The following PEAK3 variants were observed in gnomAD, a reference collection of about 807,000 sequenced individuals.
PEAK3 encodes PEAK family member 3.
Under a neutral mutation model 13.3 loss-of-function variants are expected in PEAK3, and 15 were observed. The ratio of observed to expected loss-of-function variants is 1.13; its 90% confidence interval spans 0.75 to 1.73. The LOEUF is 1.73. Among genes scored for constraint, PEAK3 ranks in the 40% most tolerant of loss-of-function variants. PEAK3 has a pLI of 0.00. For missense variants in PEAK3, 739 were observed against 690.2 expected, an observed-to-expected ratio of 1.07 and a Z score of -0.79; for synonymous variants, 347 against 341.9, an observed-to-expected ratio of 1.01 and a Z score of -0.17.
Position 2,275,372 on chromosome 19 carries a change from G to C in PEAK3, c.*308C>G. Reference sequence around the variant, plus strand: ...GCTGCTGGGGAAGGCAGAACACAGAGAGACATTGATCAGCGGGGTTGTCCA... The same window carrying C: ...GCTGCTGGGGAAGGCAGAACACAGACAGACATTGATCAGCGGGGTTGTCCA... On this transcript the variant is annotated 3_prime_UTR_variant, in exon 4 of 4. Coordinates refer to ENST00000342063, the MANE Select transcript of PEAK3 (RefSeq NM_198532.3). 3.7e-6 allele frequency: 1 copy of C among 271,484 alleles called. No individual in the cohort carries two copies. The highest frequency in any genetic ancestry group is 2.2e-5 in the African/African-American group (1 of 45,360). 16.8% of individuals were successfully genotyped at this position (271,484 alleles called of 1,614,324 possible). A position where few individuals can be genotyped will look rare whatever the true frequency, so the allele number is the denominator to read the frequency against.
At position 2,276,186 on chromosome 19, in the gene PEAK3, G is replaced by T. The variant is rs371491982; in HGVS notation, c.916C>A (p.Arg306=). 3.9e-5 allele frequency: 61 copies of T among 1,552,738 alleles called. No homozygotes were observed. Among genetic ancestry groups the T allele is most frequent in the Non-Finnish European group, 5.3e-5 (61 of 1,151,436 alleles). The change falls in exon 4 of 4, where the codon CGG becomes AGG. Residue 306 remains arginine (R), a synonymous_variant. Transcript: ENST00000342063. ...GCCACCAGCAGCAAGTTCTCCGGCC[G>T]CAACTCGACTAGGGCCGCGCCCCAC... ...EAWGAALVEL[R]PENLLLVAPR... is the part of the protein sequence containing the mutation.
intron 3 of PEAK3, among the ~76,000 whole-genome samples, chr19:2,277,050 C>A (rs2025396974): frequency 6.6e-6 from 1 of 152,084 alleles, no homozygotes. Context: ...AAAGCAGATC[C>A]CCGGCCAGAG....
intron 2 of PEAK3, among the ~76,000 whole-genome samples, chr19:2,279,320 G>A (rs985177179): frequency 1.3e-5 from 2 of 152,086 alleles, no homozygotes; most frequent in South Asian, 2.1e-4. Flanking sequence ...GACCAGCCTG[G>A]GCAACATAGT....
In PEAK3 at chr19:2,279,089, G is replaced by A; in HGVS notation, c.107C>T (p.Pro36Leu). ...NLGQIRAHLL[P>L]SKACRLRTPG... is the part of the protein sequence containing the mutation. ...GGTCCGGAGGCGGCAGGCCTTGGAG[G>A]GCAGCAGGTGGGCACGGATCTGACC... Residue 36 changes from proline to leucine, a missense_variant, in exon 3 of 4, where the codon CCC becomes CTC. Coordinates refer to ENST00000342063, the MANE Select transcript of PEAK3 (RefSeq NM_198532.3). 6.9e-7 allele frequency: 1 copy of A among 1,459,504 alleles called. No homozygotes were observed. The highest frequency in any genetic ancestry group is 9.1e-7 in the Non-Finnish European group (1 of 1,101,598). The allele number at this position is 1,459,504 out of a possible 1,614,324, so 90.4% of individuals were successfully genotyped here. A position where few individuals can be genotyped will look rare whatever the true frequency, so the allele number is the denominator to read the frequency against.
chr19:2,274,947 A>AG lies in PEAK3; in HGVS notation c.*732_*733insC, dbSNP rs967203328. 3 of 141,182 alleles carry AG rather than the reference A, an allele frequency of 2.1e-5. No homozygotes were observed. The highest frequency in any genetic ancestry group is 5.0e-5 in the African/African-American group (2 of 40,154). The allele number at this position is 141,182 out of a possible 1,614,324, so 8.7% of individuals were successfully genotyped here. A position where few individuals can be genotyped will look rare whatever the true frequency, so the allele number is the denominator to read the frequency against. On this transcript the variant is annotated 3_prime_UTR_variant, in exon 4 of 4. Coordinates refer to ENST00000342063, the MANE Select transcript of PEAK3 (RefSeq NM_198532.3). ...AGATCGTCTCAAAAAAAAAAAAAAA[A>AG]AAAAAAGAAAAAGAAAGTGGAACTG...
rs1007248991 is a variant in PEAK3, at chr19:2,275,903, C to G, written c.1199G>C (p.Trp400Ser). The change falls in exon 4 of 4, where the codon TGG becomes TCG. Residue 400 changes from tryptophan (W) to serine (S), a missense_variant. Transcript: ENST00000342063. ...GCCGCGCAGCTCAGGCCCGGGCCCC[C>G]AGAGCAGCGCCTGCAGCGCGCCCCG... ...RTRGALQALL[W>S]GPGPELRGRG... 2 of 1,386,446 alleles carry G rather than the reference C, an allele frequency of 1.4e-6. No individual in the cohort carries two copies. Among genetic ancestry groups the G allele is most frequent in the African/African-American group, 1.5e-5 (1 of 64,846 alleles). 85.9% of individuals were successfully genotyped at this position (1,386,446 alleles called of 1,614,324 possible).
In PEAK3 at chr19:2,277,052, C is replaced by T. The variant is rs147274209; in HGVS notation, c.613-563G>A. 2.2e-4 allele frequency among the ~76,000 whole-genome samples: 34 copies of T among 152,228 alleles called. No homozygotes were observed. In the East Asian group the frequency reaches 5.4e-3, roughly 24 times the overall value. On this transcript the variant is annotated intron_variant, in intron 3 of 3. Coordinates refer to ENST00000342063, the MANE Select transcript of PEAK3 (RefSeq NM_198532.3). Reference sequence around the variant, plus strand: ...AACAAAAAACACAAAAGCAGATCCCCGGCCAGAGAGGTGTGGGAGGGGTTT... The same window carrying T: ...AACAAAAAACACAAAAGCAGATCCCTGGCCAGAGAGGTGTGGGAGGGGTTT...
intron 2 of PEAK3, among the ~76,000 whole-genome samples, 192 bp downstream of exon 2, chr19:2,280,658 C>A (rs1044869626): frequency 1.2e-4 from 19 of 152,276 alleles, no homozygotes; most frequent in South Asian, 4.1e-4. Flanking sequence ...CCCACCAACC[C>A]ACAGGTTATT....
rs113588553 is a variant in PEAK3, at chr19:2,282,118, G to C, written c.-36C>G. 1.3e-5 allele frequency: 2 copies of C among 152,654 alleles called. No individual in the cohort carries two copies. Among genetic ancestry groups the C allele is most frequent in the African/African-American group, 2.4e-5 (1 of 41,582 alleles). 9.5% of individuals were successfully genotyped at this position (152,654 alleles called of 1,614,324 possible). On this transcript the variant is annotated 5_prime_UTR_variant, in exon 1 of 4. Transcript: ENST00000342063. The stretch of plus-strand genomic sequence containing the variant: ...GACTGGCGTGCCCTCTGGGGGAGGA[G>C]GGGTCCGTGGGGACAAACTCCCAAT...
chr19:2,277,303 G>T (rs896677709), intron 3 of PEAK3, among the ~76,000 whole-genome samples: 5 of 152,184 alleles, frequency 3.3e-5, no homozygotes, highest in Admixed American at 2.0e-4. Context: ...CATCTCCCTT[G>T]GCACTGTCGT....
Position 2,278,978 on chromosome 19 carries a change from C to G in PEAK3, c.218G>C (p.Arg73Pro). The G allele has an allele frequency of 1.3e-6, 2 of 1,552,156 alleles. No individual in the cohort carries two copies. Among genetic ancestry groups the G allele is most frequent in the Non-Finnish European group, 1.8e-6 (2 of 1,142,022 alleles). ...ILTRTQSLPTRRTLHPSSIQV... is the reference protein window; with the variant it reads ...ILTRTQSLPTPRTLHPSSIQV... Reference sequence around the variant, plus strand: ...GATGGAGCTGGGATGGAGGGTCCTGCGGGTGGGCAGTGACTGGGTCCGGGT... The same window carrying G: ...GATGGAGCTGGGATGGAGGGTCCTGGGGGTGGGCAGTGACTGGGTCCGGGT... The change falls in exon 3 of 4, where the codon CGC (arginine) becomes CCC (proline). Residue 73 changes from arginine (R) to proline (P), a missense_variant. Arg to Pro is a moderately radical substitution (Grantham distance 103). Coordinates refer to ENST00000342063, the MANE Select transcript of PEAK3 (RefSeq NM_198532.3).
At position 2,276,250 on chromosome 19, in the gene PEAK3, C is replaced by T; in HGVS notation, c.852G>A (p.Leu284=). The change falls in exon 4 of 4, where the codon CTG becomes CTA. Residue 284 remains leucine, a synonymous_variant. Transcript: ENST00000342063. The part of the protein sequence containing the change: ...PEEFVWAVAL[L]LLQLSAALKF... ...TCAGGGCCGCGCTCAGCTGCAGCAG[C>T]AGCAGGGCCACAGCCCACACGAACT... The T allele has an allele frequency of 6.3e-7, 1 of 1,589,898 alleles. No individual in the cohort carries two copies. The highest frequency in any genetic ancestry group is 1.1e-5 in the South Asian group (1 of 88,772).
At chr19:2,277,616 T>C (rs542060255) in intron 3 of PEAK3, among the ~76,000 whole-genome samples, 2 of 152,100 alleles carry the variant, frequency 1.3e-5, no homozygotes, top group East Asian at 3.9e-4. Context: ...TGGAGTGCAA[T>C]AGCCCAATTT....
chr19:2,278,500 A>G, intron 3 of PEAK3, 84 bp downstream of exon 3: 6 of 1,341,216 alleles, frequency 4.5e-6, no homozygotes, highest in Non-Finnish European at 5.8e-6. Flanking sequence ...TGACTCACAG[A>G]AAGGCCAAAT....
chr19:2,280,351 G>A (rs530588225), intron 2 of PEAK3, among the ~76,000 whole-genome samples: 1 of 151,958 alleles, frequency 6.6e-6, no homozygotes, highest in South Asian at 2.1e-4. Context: ...TGGGATTACA[G>A]GCATGAGTTA....
Position 2,275,642 on chromosome 19 carries a change from G to T in PEAK3, c.*38C>A, listed in dbSNP as rs770188360. The T allele has an allele frequency of 7.2e-7, 1 of 1,380,418 alleles. No homozygotes were observed. The highest frequency in any genetic ancestry group is 3.0e-5 in the East Asian group (1 of 33,832). The allele number at this position is 1,380,418 out of a possible 1,614,324, so 85.5% of individuals were successfully genotyped here. A position where few individuals can be genotyped will look rare whatever the true frequency, so the allele number is the denominator to read the frequency against. ...ACCTCAGCCCCAGCCCTGCCTCCTG[G>T]GCAGGCCTGGACCAGGTGTGTTCGC... On this transcript the variant is annotated 3_prime_UTR_variant, in exon 4 of 4. Coordinates refer to ENST00000342063, the MANE Select transcript of PEAK3 (RefSeq NM_198532.3).
At position 2,278,716 on chromosome 19, in the gene PEAK3, G is replaced by GC; in HGVS notation, c.479dup (p.His161ProfsTer79). ...GGCCGGGGTGGCAGGGCCCGGGGTG[G>GC]CCCCCCATGAGCCGGGCACGGAGCC... On this transcript the variant is annotated frameshift_variant, in exon 3 of 4. Coordinates refer to ENST00000342063, the MANE Select transcript of PEAK3 (RefSeq NM_198532.3). LOFTEE classifies it high-confidence loss of function. The GC allele has an allele frequency of 6.5e-7, 1 of 1,530,636 alleles. No homozygotes were observed. Among genetic ancestry groups the GC allele is most frequent in the Non-Finnish European group, 8.8e-7 (1 of 1,137,588 alleles). 94.8% of individuals were successfully genotyped at this position (1,530,636 alleles called of 1,614,324 possible).
chr19:2,276,314 G>T lies in PEAK3; in HGVS notation c.788C>A (p.Ala263Glu). The T allele has an allele frequency of 6.3e-7, 1 of 1,597,980 alleles. No homozygotes were observed. Among genetic ancestry groups the T allele is most frequent in the Non-Finnish European group, 8.5e-7 (1 of 1,178,492 alleles). ...LAAEVPERTV[A>E]QWLAEACTQP... is the part of the protein sequence containing the mutation. ...CGTGCAGGCCTCCGCCAGCCACTGC[G>T]CCACCGTGCGCTCTGGAACCTCGGC... The change falls in exon 4 of 4, where the codon GCG (alanine) becomes GAG (glutamate). Residue 263 changes from alanine to glutamate, a missense_variant. Transcript: ENST00000342063.
In PEAK3 at chr19:2,278,565, G is replaced by A. The variant is rs1386269574; in HGVS notation, c.612+19C>T. The A allele has an allele frequency of 9.5e-6, 14 of 1,473,978 alleles. No homozygotes were observed. Among genetic ancestry groups the A allele is most frequent in the Non-Finnish European group, 1.3e-5 (14 of 1,114,312 alleles). The allele number at this position is 1,473,978 out of a possible 1,614,324, so 91.3% of individuals were successfully genotyped here. A position where few individuals can be genotyped will look rare whatever the true frequency, so the allele number is the denominator to read the frequency against. ...GGGCACTGGGGACACCTCAGAGAGG[G>A]TGGGGCTGTGGGGCTCACCTTGGCG... On this transcript the variant is annotated intron_variant, in intron 3 of 3. Coordinates refer to ENST00000342063, the MANE Select transcript of PEAK3 (RefSeq NM_198532.3).
Sources: gnomAD v4.1 joint callset for allele counts (sites outside exome capture counted in the v4.1 genomes callset) on GRCh38, gnomAD v4.1.1 for gene constraint, MANE v1.5 for transcripts, NCBI Gene and HGNC (gene_info 2026-07-23, HGNC 2026-07-21) for gene names.